The following GTF3C1 variants were observed in gnomAD, a reference collection of about 807,000 sequenced individuals.
The protein encoded by GTF3C1 is general transcription factor 3C polypeptide 1.
In GTF3C1, 57 loss-of-function variants were observed where a neutral mutation model predicts 226.7. The ratio of observed to expected loss-of-function variants is 0.25; its 90% CI spans 0.20 to 0.31. The LOEUF is 0.31. Ranked by LOEUF, GTF3C1 falls within the 10% of genes least tolerant of loss-of-function variation. The probability of loss-of-function intolerance (pLI) is 1.00; values close to 1 mark genes in which losing one functional copy is unlikely to be tolerated. For synonymous variants in GTF3C1, 1,090 were observed against 1,084.8 expected (o/e 1.00, Z -0.09); for missense variants, 2,217 against 2,776.1 (o/e 0.80, Z 4.53).
intron 16 of GTF3C1, among the ~76,000 whole-genome samples, chr16:27,494,426 C>CA (rs895410000): frequency 6.2e-5 from 9 of 144,290 alleles, no homozygotes; most frequent in Admixed American, 1.4e-4. Flanking sequence ...AAAAAAAAAA[C>CA]AAAAAAAACC....
chr16:27,544,974 CTT>C lies in GTF3C1; in HGVS notation c.431+338_431+339del, dbSNP rs5816438. Among the ~76,000 whole-genome samples, 898 of 130,198 alleles carry C rather than the reference CTT, an allele frequency of 6.9e-3. 3 individuals are homozygous for C. Among genetic ancestry groups the C allele is most frequent in the African/African-American group, 0.015 (532 of 35,508 alleles). The allele number at this position is 130,198 out of a possible 152,430, so 85.4% of individuals were successfully genotyped here. On this transcript the variant is annotated intron_variant, in intron 2 of 36. Coordinates refer to ENST00000356183, the MANE Select transcript of GTF3C1 (RefSeq NM_001520.4). ...CAGATTCCCAGGAATTTCTTTTTTC[CTT>C]TTTTTTTTTTTTTGTAGACAGGGTC...
At chr16:27,474,186 A>C (rs1393820581) in intron 29 of GTF3C1, among the ~76,000 whole-genome samples, 2 of 152,174 alleles carry the variant, frequency 1.3e-5, no homozygotes, top group East Asian at 1.9e-4. Flanking sequence ...AAGAGTCACT[A>C]AAGAAGTGTC....
At chr16:27,514,219 C>T (rs1213019842) in intron 6 of GTF3C1, among the ~76,000 whole-genome samples, 4 of 152,214 alleles carry the variant, frequency 2.6e-5, no homozygotes, top group Non-Finnish European at 4.4e-5. Flanking sequence ...AAGGCCCCGG[C>T]GCAAGCCTGA....
chr16:27,520,687 G>A (rs982820160), intron 6 of GTF3C1, among the ~76,000 whole-genome samples: 1 of 152,032 alleles, frequency 6.6e-6, no homozygotes, highest in Non-Finnish European at 1.5e-5. Context: ...TAAACCCTTG[G>A]GCTGAGTTAG....
chr16:27,524,228 T>C (rs1399588366), intron 6 of GTF3C1, among the ~76,000 whole-genome samples: 3 of 152,260 alleles, frequency 2.0e-5, no homozygotes, highest in African/African-American at 4.8e-5. Context: ...CAACTGCTAA[T>C]AAAGGAATAA....
At chr16:27,480,422 C>T (rs1445914516) in intron 27 of GTF3C1, among the ~76,000 whole-genome samples, 1 of 152,088 alleles carries the variant, frequency 6.6e-6, no homozygotes, top group Non-Finnish European at 1.5e-5. Context: ...CATGGCAATA[C>T]AGTGGGTGAG....
intron 32 of GTF3C1, chr16:27,465,842 G>A (rs554862820): frequency 5.2e-4 from 208 of 402,184 alleles, no homozygotes; most frequent in African/African-American, 4.1e-3. Context: ...ACTGAGGTTC[G>A]AGAACTGTAA....
chr16:27,527,011 C>T (rs2088843499), intron 6 of GTF3C1, among the ~76,000 whole-genome samples: 2 of 152,168 alleles, frequency 1.3e-5, no homozygotes, highest in Non-Finnish European at 2.9e-5. Context: ...TCAAGACCAG[C>T]CTGGGCATGA....
chr16:27,466,724 G>C (rs1170303622), intron 32 of GTF3C1, among the ~76,000 whole-genome samples: 1 of 152,190 alleles, frequency 6.6e-6, no homozygotes, highest in Non-Finnish European at 1.5e-5. Flanking sequence ...GTTCTTGAAG[G>C]AAATTAAAAG....
At chr16:27,539,349 C>T (rs1159056810) in intron 2 of GTF3C1, among the ~76,000 whole-genome samples, 1 of 152,202 alleles carries the variant, frequency 6.6e-6, no homozygotes, top group Non-Finnish European at 1.5e-5. Flanking sequence ...AAACCACTTC[C>T]TAGCAAAAGG....
intron 28 of GTF3C1, 21 bp downstream of exon 28, chr16:27,478,448 A>AC (rs2087987419): frequency 6.8e-7 from 1 of 1,465,556 alleles, no homozygotes. Context: ...AGGAAAAGCT[A>AC]CTCTATATAT....
At position 27,494,759 on chromosome 16, in the gene GTF3C1, A is replaced by G. The variant is rs376895296; in HGVS notation, c.2778+4T>C. 1 of 1,610,510 alleles carries G rather than the reference A, an allele frequency of 6.2e-7. No individual in the cohort carries two copies. The highest frequency in any genetic ancestry group is 8.5e-7 in the Non-Finnish European group (1 of 1,176,680). ...CCTGTGATAATGGCTCCTGTCACCA[A>G]TACCTTGTAGCTGACTTGCACAATC... On this transcript the variant is annotated splice_donor_region_variant and intron_variant, in intron 16 of 36. Transcript: ENST00000356183.
At chr16:27,546,827 C>T (rs2089171478) in intron 1 of GTF3C1, among the ~76,000 whole-genome samples, 1 of 152,054 alleles carries the variant, frequency 6.6e-6, no homozygotes, top group African/African-American at 2.4e-5. Context: ...AGTGCAGTGG[C>T]GCAATCTCGG....
At chr16:27,535,803 G>A (rs1418677619) in intron 4 of GTF3C1, among the ~76,000 whole-genome samples, 1 of 151,920 alleles carries the variant, frequency 6.6e-6, no homozygotes, top group Non-Finnish European at 1.5e-5. Context: ...AGCGGAGATC[G>A]CGCCATCGCA....
intron 6 of GTF3C1, among the ~76,000 whole-genome samples, chr16:27,517,999 A>G (rs892790126): frequency 6.6e-6 from 1 of 152,154 alleles, no homozygotes; most frequent in African/African-American, 2.4e-5. Flanking sequence ...CCAGTGAAAA[A>G]TCCATCTGGC....
In GTF3C1 at chr16:27,494,838, G is replaced by A. The variant is rs2088290944; in HGVS notation, c.2703C>T (p.Gly901=). The change falls in exon 16 of 37, where the codon GGC becomes GGT. Residue 901 remains glycine, a synonymous_variant. Transcript: ENST00000356183. The part of the protein sequence containing the change: ...PIPVHRDFGF[G]WALVSDILLC... ...GGAGGATGTCGCTGACGAGAGCCCAGCCAAAGCCGAAGTCCCTGTGGACTG... is the reference window on the plus strand; with the variant it reads ...GGAGGATGTCGCTGACGAGAGCCCAACCAAAGCCGAAGTCCCTGTGGACTG... 2 of 1,612,462 alleles carry A rather than the reference G, an allele frequency of 1.2e-6. No homozygotes were observed. Among genetic ancestry groups the A allele is most frequent in the African/African-American group, 2.7e-5 (2 of 75,014 alleles).
intron 5 of GTF3C1, among the ~76,000 whole-genome samples, chr16:27,529,608 G>T (rs1304427151): frequency 1.3e-5 from 2 of 152,186 alleles, no homozygotes; most frequent in Non-Finnish European, 2.9e-5. Flanking sequence ...TCCAGTGCAG[G>T]CGGTGCTTTT....
chr16:27,484,867 TTC>T (rs2141369669), intron 24 of GTF3C1, among the ~76,000 whole-genome samples: 1 of 152,338 alleles, frequency 6.6e-6, no homozygotes, highest in South Asian at 2.1e-4. Flanking sequence ...ACGAGTTATT[TTC>T]TTACATCCCC....
chr16:27,472,051 C>T (rs972478862), intron 29 of GTF3C1, 131 bp from the exon 30 acceptor site: 25 of 718,718 alleles, frequency 3.5e-5, no homozygotes, highest in African/African-American at 1.9e-4. Context: ...CCCAGGCTGG[C>T]GTATGTGTGT....
Sources: allele counts gnomAD v4.1 joint callset (sites outside exome capture counted in the v4.1 genomes callset), GRCh38; gene constraint gnomAD v4.1.1; transcripts MANE v1.5; gene names NCBI Gene and HGNC (gene_info 2026-07-23, HGNC 2026-07-21).